The following SLC24A2 variants were observed in gnomAD, a reference collection of about 807,000 sequenced individuals.
SLC24A2 encodes the protein sodium/potassium/calcium exchanger 2.
A neutral mutation model predicts 62.0 loss-of-function variants in SLC24A2; 36 were observed. The observed-to-expected ratio is 0.58, with a 90% CI of 0.44 to 0.77. The LOEUF (loss-of-function observed/expected upper bound fraction) is 0.77, where lower values mean the gene tolerates loss of function less well. Ranked by LOEUF, SLC24A2 falls within the 30% of genes least tolerant of loss-of-function variation. The pLI, the probability that SLC24A2 is intolerant of heterozygous loss-of-function variation, is 0.00. For synonymous variants in SLC24A2, 358 were observed against 294.0 expected (o/e 1.22, Z -2.23); for missense variants, 846 against 817.9 (o/e 1.03, Z -0.42).
At chr9:20,234,295 T>C in the SLC24A2 span, among the ~76,000 whole-genome samples, 1 of 152,330 alleles carries the variant, frequency 6.6e-6, no homozygotes, top group East Asian at 1.9e-4. Flanking sequence ...TTGGGGAAGT[T>C]CTCCTGGATA....
chr9:19,721,345 A>G (rs1282559346), intron 2 of SLC24A2, among the ~76,000 whole-genome samples: 1 of 152,204 alleles, frequency 6.6e-6, no homozygotes, highest in Non-Finnish European at 1.5e-5. Flanking sequence ...ATATTCTAAA[A>G]TGCTGACCCT....
chr9:20,061,900 C>A, the SLC24A2 span, among the ~76,000 whole-genome samples: 38 of 152,088 alleles, frequency 2.5e-4, no homozygotes, highest in East Asian at 6.6e-3. Context: ...GGGCAACCCA[C>A]GGAGTGGATG....
chr9:19,965,940 T>G, the SLC24A2 span, among the ~76,000 whole-genome samples: 1 of 152,320 alleles, frequency 6.6e-6, no homozygotes, highest in South Asian at 2.1e-4. Context: ...TCTCATTGGC[T>G]CGGCATGAAA....
At chr9:19,854,075 G>A in the SLC24A2 span, among the ~76,000 whole-genome samples, 2 of 152,128 alleles carry the variant, frequency 1.3e-5, no homozygotes, top group African/African-American at 4.8e-5. Context: ...ATATTTTCTA[G>A]TTTATGTGCA....
the SLC24A2 span, among the ~76,000 whole-genome samples, chr9:20,195,519 T>C: frequency 1.3e-5 from 2 of 152,238 alleles, no homozygotes; most frequent in East Asian, 3.8e-4. Context: ...GTCTGTTTTT[T>C]AAATTGGTTG....
the SLC24A2 span, among the ~76,000 whole-genome samples, chr9:20,078,733 AG>A: frequency 6.6e-6 from 1 of 152,218 alleles, no homozygotes; most frequent in South Asian, 2.1e-4. Flanking sequence ...CCCCCTCTCC[AG>A]GTTGCCGTAA....
chr9:19,704,113 T>A (rs1385259088), intron 2 of SLC24A2, among the ~76,000 whole-genome samples: 1 of 151,052 alleles, frequency 6.6e-6, no homozygotes, highest in Non-Finnish European at 1.5e-5. Context: ...AAACGTGATC[T>A]GTGGACCAAT....
chr9:19,834,914 C>G, the SLC24A2 span, among the ~76,000 whole-genome samples: 11 of 152,142 alleles, frequency 7.2e-5, no homozygotes, highest in African/African-American at 2.7e-4. Context: ...GAGTGGAGAC[C>G]AATATTCAAC....
chr9:19,886,349 A>G, the SLC24A2 span, among the ~76,000 whole-genome samples: 1 of 150,780 alleles, frequency 6.6e-6, no homozygotes, highest in African/African-American at 2.4e-5. Context: ...CTAATGATTG[A>G]GCATTTTTTT....
At chr9:19,906,609 G>T in the SLC24A2 span, among the ~76,000 whole-genome samples, 7 of 151,784 alleles carry the variant, frequency 4.6e-5, no homozygotes, top group South Asian at 1.2e-3. Flanking sequence ...AAAGAGAGAA[G>T]AATCAAATAG....
the SLC24A2 span, among the ~76,000 whole-genome samples, chr9:19,919,249 T>G: frequency 6.6e-6 from 1 of 152,098 alleles, no homozygotes; most frequent in Non-Finnish European, 1.5e-5. Context: ...GGCCCAGAGA[T>G]GCACTTAGAG....
chr9:20,246,790 G>C, the SLC24A2 span, among the ~76,000 whole-genome samples: 2 of 152,182 alleles, frequency 1.3e-5, no homozygotes, highest in South Asian at 4.1e-4. Context: ...CACATGTATA[G>C]CCAGGCCCAG....
the SLC24A2 span, among the ~76,000 whole-genome samples, chr9:19,859,592 C>T: frequency 2.0e-5 from 3 of 152,288 alleles, no homozygotes; most frequent in East Asian, 1.9e-4. Flanking sequence ...ACCAAATAAA[C>T]AACTATCTAC....
chr9:20,060,643 T>A, the SLC24A2 span, among the ~76,000 whole-genome samples: 1 of 152,152 alleles, frequency 6.6e-6, no homozygotes, highest in Non-Finnish European at 1.5e-5. Flanking sequence ...AGAAGGGAAC[T>A]TTTCCAACTT....
chr9:20,090,387 G>A, the SLC24A2 span, among the ~76,000 whole-genome samples: 1 of 152,168 alleles, frequency 6.6e-6, no homozygotes, highest in East Asian at 1.9e-4. Flanking sequence ...GCCTGGGAGT[G>A]CCAAGTTGCG....
the SLC24A2 span, among the ~76,000 whole-genome samples, chr9:20,069,376 TATAAG>T: frequency 2.0e-5 from 3 of 152,338 alleles, no homozygotes; most frequent in Admixed American, 6.5e-5. Flanking sequence ...TGACAGCACT[TATAAG>T]ATAATACCAT....
chr9:20,028,855 A>G, the SLC24A2 span, among the ~76,000 whole-genome samples: 3 of 152,154 alleles, frequency 2.0e-5, no homozygotes, highest in Non-Finnish European at 4.4e-5. Context: ...CATTCTCTTT[A>G]AACAACCTGG....
chr9:19,873,047 T>TA, the SLC24A2 span, among the ~76,000 whole-genome samples: 9,642 of 152,202 alleles, frequency 0.063, 1,049 homozygotes, highest in African/African-American at 0.22. Flanking sequence ...GCATAATCAT[T>TA]AAAAATCAAG....
chr9:19,944,143 C>G, the SLC24A2 span, among the ~76,000 whole-genome samples: 1 of 152,070 alleles, frequency 6.6e-6, no homozygotes, highest in Non-Finnish European at 1.5e-5. Flanking sequence ...GGTTGAAAAA[C>G]TAACGTTTGG....
Sources: gnomAD v4.1 joint callset for allele counts (sites outside exome capture counted in the v4.1 genomes callset) on GRCh38, gnomAD v4.1.1 for gene constraint, MANE v1.5 for transcripts, NCBI Gene and HGNC (gene_info 2026-07-23, HGNC 2026-07-21) for gene names.